The following PRR16 variants were observed in gnomAD, a reference collection of about 807,000 sequenced individuals.
The protein encoded by PRR16 is protein Largen.
In PRR16, 6 loss-of-function variants were observed where a neutral mutation model predicts 18.2. The ratio of observed to expected loss-of-function variants is 0.33; its 90% CI spans 0.18 to 0.65. The LOEUF is 0.65. Ranked by LOEUF, PRR16 falls within the 30% of genes least tolerant of loss-of-function variation. The pLI is 0.74. For synonymous variants in PRR16, 151 were observed against 147.8 expected, an observed-to-expected ratio of 1.02 and a Z score of -0.16; for missense variants, 412 against 376.6, an observed-to-expected ratio of 1.09 and a Z score of -0.78.
chr5:120,658,406 G>A (rs911253648), intron 1 of PRR16: 4 of 150,634 alleles, frequency 2.7e-5, no homozygotes, highest in South Asian at 2.1e-4. Flanking sequence ...ACACTTGTAC[G>A]ATGTCCAGAC....
intron 1 of PRR16, among the ~76,000 whole-genome samples, chr5:120,649,073 C>A (rs1344150237): frequency 6.6e-6 from 1 of 151,974 alleles, no homozygotes; most frequent in Non-Finnish European, 1.5e-5. Flanking sequence ...CTCACAAATT[C>A]CAGAAATTTT....
chr5:120,489,094 C>G lies in PRR16; in HGVS notation c.159+24449C>G, dbSNP rs531410014. 6.3e-4 allele frequency among the ~76,000 whole-genome samples: 96 copies of G among 152,098 alleles called. 1 individual carries two copies. The highest frequency in any genetic ancestry group is 2.5e-3 in the South Asian group (12 of 4,818). ...CAAGTATGTGGTCAATTTTGGAATA[C>G]GTGTGGTGTGGTGCTGAAAAGAATG... On this transcript the variant is annotated intron_variant, in intron 1 of 1. Coordinates refer to ENST00000407149, the MANE Select transcript of PRR16 (RefSeq NM_001300783.2).
chr5:120,573,117 G>A (rs1173079427), intron 1 of PRR16, among the ~76,000 whole-genome samples: 2 of 152,158 alleles, frequency 1.3e-5, no homozygotes. Flanking sequence ...CAAGGCAAAT[G>A]TAGGGCCATG....
chr5:120,494,580 A>G (rs1004130074), intron 1 of PRR16, among the ~76,000 whole-genome samples: 1 of 152,094 alleles, frequency 6.6e-6, no homozygotes. Context: ...CTCCCTCTTC[A>G]CGAGGTCTTT....
the PRR16 span, among the ~76,000 whole-genome samples, chr5:120,732,814 G>C: frequency 1.3e-5 from 2 of 152,016 alleles, no homozygotes; most frequent in African/African-American, 4.8e-5. Context: ...CCCTTCCAAA[G>C]GTGAAAATTT....
chr5:120,606,052 G>A (rs1754144269), intron 1 of PRR16, among the ~76,000 whole-genome samples: 1 of 152,194 alleles, frequency 6.6e-6, no homozygotes, highest in South Asian at 2.1e-4. Flanking sequence ...GGCAGTTGTG[G>A]GTGCATTTGT....
rs1580870225 is a variant in PRR16 at position 120,676,800 on chromosome 5, A to C, written c.160-9154A>C. Among the ~76,000 whole-genome samples the C allele has an allele frequency of 3.3e-5, 5 of 152,228 alleles. 1 individual carries two copies. The highest frequency in any genetic ancestry group is 3.3e-4 in the Admixed American group (5 of 15,280). On this transcript the variant is annotated intron_variant, in intron 1 of 1. Coordinates refer to ENST00000407149, the MANE Select transcript of PRR16 (RefSeq NM_001300783.2). ...AAAGACAGGCCCAGGAACCCAATGCAGTTCTAGTCTTCCCTTTGGAAAAAA... is the reference window on the plus strand; with the variant it reads ...AAAGACAGGCCCAGGAACCCAATGCCGTTCTAGTCTTCCCTTTGGAAAAAA...
chr5:120,657,169 AAATT>A (rs1161422118), intron 1 of PRR16, among the ~76,000 whole-genome samples: 1 of 152,002 alleles, frequency 6.6e-6, no homozygotes, highest in African/African-American at 2.4e-5. Flanking sequence ...CTCTAAAGGT[AAATT>A]AGAAATGATC....
chr5:120,563,530 C>G (rs1050566291), intron 1 of PRR16, among the ~76,000 whole-genome samples: 1 of 152,174 alleles, frequency 6.6e-6, no homozygotes, highest in Non-Finnish European at 1.5e-5. Context: ...CACCAACAGC[C>G]CATGAAGGGT....
chr5:120,760,712 G>T, the PRR16 span, among the ~76,000 whole-genome samples: 1 of 152,160 alleles, frequency 6.6e-6, no homozygotes, highest in Non-Finnish European at 1.5e-5. Flanking sequence ...GGGCTGGAGA[G>T]TTAAGGCCCC....
the PRR16 span, among the ~76,000 whole-genome samples, chr5:120,758,192 TTA>T: frequency 6.6e-6 from 1 of 152,138 alleles, no homozygotes; most frequent in Non-Finnish European, 1.5e-5. Flanking sequence ...TGGAAATAGT[TTA>T]TATTTATTAT....
intron 1 of PRR16, among the ~76,000 whole-genome samples, chr5:120,574,487 C>T (rs1753011405): frequency 6.6e-6 from 1 of 151,922 alleles, no homozygotes; most frequent in Non-Finnish European, 1.5e-5. Context: ...ACCTGTAATC[C>T]CAGCTACTTG....
chr5:120,727,637 A>G, the PRR16 span, among the ~76,000 whole-genome samples: 2 of 152,174 alleles, frequency 1.3e-5, no homozygotes, highest in Non-Finnish European at 2.9e-5. Flanking sequence ...CAGATATGCA[A>G]TGGATTTAAC....
intron 1 of PRR16, among the ~76,000 whole-genome samples, chr5:120,615,773 C>T (rs1223985575): frequency 1.3e-5 from 2 of 152,008 alleles, no homozygotes; most frequent in East Asian, 3.9e-4. Flanking sequence ...TGTTTTCTGT[C>T]ATCCATGTGT....
At chr5:120,629,235 A>G (rs932550621) in intron 1 of PRR16, among the ~76,000 whole-genome samples, 2 of 152,088 alleles carry the variant, frequency 1.3e-5, no homozygotes, top group African/African-American at 4.8e-5. Context: ...TTATGAATGC[A>G]TATTATTCCA....
the PRR16 span, among the ~76,000 whole-genome samples, chr5:120,789,479 CCCT>C: frequency 6.6e-6 from 1 of 152,022 alleles, no homozygotes; most frequent in Non-Finnish European, 1.5e-5. Flanking sequence ...GAAAAAATAA[CCCT>C]TTTTTAATCT....
the PRR16 span, among the ~76,000 whole-genome samples, chr5:120,734,116 T>C: frequency 6.6e-6 from 1 of 152,210 alleles, no homozygotes; most frequent in Non-Finnish European, 1.5e-5. Context: ...ATGTAAGCCC[T>C]AGGATTCATT....
At chr5:120,591,045 C>T (rs1473003893) in intron 1 of PRR16, among the ~76,000 whole-genome samples, 1 of 151,574 alleles carries the variant, frequency 6.6e-6, no homozygotes, top group Non-Finnish European at 1.5e-5. Context: ...TTTGGGAGGC[C>T]GAGGTGGGCA....
chr5:120,589,632 A>G (rs1016085372), intron 1 of PRR16, among the ~76,000 whole-genome samples: 4 of 152,088 alleles, frequency 2.6e-5, no homozygotes, highest in African/African-American at 7.2e-5. Flanking sequence ...CACTTCTTAC[A>G]TGGTGGTGGC....
Sources: gnomAD v4.1 joint callset for allele counts (sites outside exome capture counted in the v4.1 genomes callset) on GRCh38, gnomAD v4.1.1 for gene constraint, MANE v1.5 for transcripts, NCBI Gene and HGNC (gene_info 2026-07-23, HGNC 2026-07-21) for gene names.